TENM3: variants seen among roughly 807,000 people sequenced by gnomAD.
The protein encoded by TENM3 is teneurin transmembrane protein 3, also known as teneurin-3.
Under a neutral mutation model 255.1 loss-of-function variants are expected in TENM3, and 63 were observed. The ratio of observed to expected loss-of-function variants is 0.25; its 90% CI spans 0.20 to 0.30. The LOEUF is 0.30. Among genes scored for constraint, TENM3 ranks in the 10% least tolerant of loss-of-function variants. TENM3 has a pLI of 1.00. For missense variants in TENM3, 2,929 were observed against 3,461.1 expected, an observed-to-expected ratio of 0.85 and a Z score of 3.86; for synonymous variants, 1,306 against 1,322.3, an observed-to-expected ratio of 0.99 and a Z score of 0.27.
chr4:182,601,250 T>C, intron 4 of TENM3, 89 bp downstream of exon 4: 2 of 1,097,858 alleles, frequency 1.8e-6, no homozygotes, highest in Non-Finnish European at 2.7e-6. Flanking sequence ...TGTGGTGTTT[T>C]GGGGTTTTGT....
At chr4:182,725,955 G>GAT (rs1238085988) in intron 13 of TENM3, among the ~76,000 whole-genome samples, 2 of 152,056 alleles carry the variant, frequency 1.3e-5, no homozygotes, top group African/African-American at 4.8e-5. Flanking sequence ...CTTAAAACAT[G>GAT]ATTTTAGCTT....
the TENM3 span, among the ~76,000 whole-genome samples, chr4:181,718,867 G>A: frequency 6.6e-6 from 1 of 152,168 alleles, no homozygotes; most frequent in Non-Finnish European, 1.5e-5. Flanking sequence ...CAGTAAAACA[G>A]ACACCACTTA....
At chr4:181,499,335 T>G in the TENM3 span, among the ~76,000 whole-genome samples, 2 of 152,206 alleles carry the variant, frequency 1.3e-5, no homozygotes, top group African/African-American at 4.8e-5. Context: ...TTTGGAATGC[T>G]TTAGTAGGGT....
At chr4:182,722,379 A>G (rs1451891085) in intron 13 of TENM3, among the ~76,000 whole-genome samples, 1 of 152,130 alleles carries the variant, frequency 6.6e-6, no homozygotes, top group Non-Finnish European at 1.5e-5. Context: ...AACTTAATTC[A>G]TTTTTTCCTT....
chr4:181,950,557 A>C, the TENM3 span, among the ~76,000 whole-genome samples: 1 of 152,208 alleles, frequency 6.6e-6, no homozygotes, highest in Non-Finnish European at 1.5e-5. Context: ...CCATGAAGGC[A>C]CTTGGTCTGG....
intron 1 of TENM3, among the ~76,000 whole-genome samples, chr4:182,174,900 A>G (rs1037419102): frequency 1.9e-4 from 29 of 152,164 alleles, no homozygotes; most frequent in African/African-American, 6.0e-4. Context: ...TTCCTTTTTT[A>G]AAGAAAAGTT....
chr4:182,749,330 C>T (rs1762218140), intron 19 of TENM3, among the ~76,000 whole-genome samples: 1 of 152,094 alleles, frequency 6.6e-6, no homozygotes, highest in South Asian at 2.1e-4. Flanking sequence ...TAAACCTAAC[C>T]AAGTTTAGGT....
At chr4:181,453,151 G>T in the TENM3 span, among the ~76,000 whole-genome samples, 1 of 152,166 alleles carries the variant, frequency 6.6e-6, no homozygotes, top group Non-Finnish European at 1.5e-5. Flanking sequence ...AGGAACAAAG[G>T]TATATGAGAC....
At chr4:181,683,047 A>C in the TENM3 span, among the ~76,000 whole-genome samples, 1 of 151,860 alleles carries the variant, frequency 6.6e-6, no homozygotes, top group Non-Finnish European at 1.5e-5. Flanking sequence ...ATAAATAAAT[A>C]AATAAAAATT....
intron 3 of TENM3, among the ~76,000 whole-genome samples, chr4:182,409,680 T>C (rs896720865): frequency 6.6e-6 from 1 of 152,232 alleles, no homozygotes; most frequent in Non-Finnish European, 1.5e-5. Context: ...TAATTTTATG[T>C]ATGTAAATAT....
chr4:181,482,711 C>A, the TENM3 span, among the ~76,000 whole-genome samples: 10 of 152,216 alleles, frequency 6.6e-5, no homozygotes, highest in East Asian at 1.9e-3. Context: ...TTGCCTCCGC[C>A]AGGTACTTTC....
chr4:182,371,196 C>T (rs1766780294), intron 3 of TENM3, among the ~76,000 whole-genome samples: 1 of 148,840 alleles, frequency 6.7e-6, no homozygotes, highest in African/African-American at 2.5e-5. Context: ...ATGACTCCTT[C>T]GTTTCTGAGG....
the TENM3 span, among the ~76,000 whole-genome samples, chr4:181,558,038 T>C: frequency 2.6e-5 from 4 of 152,182 alleles, no homozygotes; most frequent in Non-Finnish European, 4.4e-5. Context: ...ATTTGTTCTG[T>C]TTAATGGTTT....
chr4:181,542,339 C>T, the TENM3 span, among the ~76,000 whole-genome samples: 1 of 152,078 alleles, frequency 6.6e-6, no homozygotes, highest in African/African-American at 2.4e-5. Context: ...GCATCTAAAT[C>T]CTGTATGGGG....
At chr4:182,575,073 G>C (rs1744787693) in intron 3 of TENM3, among the ~76,000 whole-genome samples, 2 of 152,094 alleles carry the variant, frequency 1.3e-5, no homozygotes, top group Admixed American at 6.6e-5. Context: ...TTGAGAACTG[G>C]TTGGCATAAA....
At chr4:182,656,680 A>G (rs1753782464) in intron 6 of TENM3, among the ~76,000 whole-genome samples, 1 of 152,240 alleles carries the variant, frequency 6.6e-6, no homozygotes, top group Non-Finnish European at 1.5e-5. Context: ...TGAAAAGCAT[A>G]GTGAGAAAAT....
the TENM3 span, among the ~76,000 whole-genome samples, chr4:182,035,668 A>G: frequency 6.6e-6 from 1 of 152,118 alleles, no homozygotes; most frequent in East Asian, 1.9e-4. Flanking sequence ...TTGTATCAGC[A>G]GTTCTCTTGC....
At chr4:181,907,743 A>G in the TENM3 span, among the ~76,000 whole-genome samples, 10 of 152,250 alleles carry the variant, frequency 6.6e-5, no homozygotes, top group East Asian at 1.9e-3. Context: ...GGGGCAGCCA[A>G]CGCAGGAATC....
At chr4:181,630,399 C>T in the TENM3 span, among the ~76,000 whole-genome samples, 1 of 152,050 alleles carries the variant, frequency 6.6e-6, no homozygotes. Flanking sequence ...TGTGTTTGCT[C>T]TTGCTTCTGT....
Sources: gnomAD v4.1 joint callset for allele counts (sites outside exome capture counted in the v4.1 genomes callset) on GRCh38, gnomAD v4.1.1 for gene constraint, MANE v1.5 for transcripts, NCBI Gene and HGNC (gene_info 2026-07-23, HGNC 2026-07-21) for gene names.